The following LARGE1 variants were observed in gnomAD, a reference collection of about 807,000 sequenced individuals.
LARGE1 encodes LARGE xylosyl- and glucuronyltransferase 1, also known as xylosyl- and glucuronyltransferase LARGE1.
Under a neutral mutation model 87.6 loss-of-function variants are expected in LARGE1, and 43 were observed. That is an observed-to-expected ratio of 0.49 (90% confidence interval 0.38 to 0.63). The LOEUF (loss-of-function observed/expected upper bound fraction) is 0.63. Among genes scored for constraint, LARGE1 ranks in the 30% least tolerant of loss-of-function variants. The probability of loss-of-function intolerance (pLI) is 0.00; values close to 1 mark genes in which losing one functional copy is unlikely to be tolerated. For synonymous variants in LARGE1, 434 were observed against 394.6 expected, an observed-to-expected ratio of 1.10 and a Z score of -1.18; for missense variants, 802 against 1,000.2, an observed-to-expected ratio of 0.80 and a Z score of 2.67.
chr22:33,080,548 C>T, the LARGE1 span, among the ~76,000 whole-genome samples: 2 of 152,208 alleles, frequency 1.3e-5, no homozygotes, highest in Non-Finnish European at 2.9e-5. Context: ...CTTCAGCTCA[C>T]ATTTGATATC....
intron 6 of LARGE1, among the ~76,000 whole-genome samples, chr22:33,482,565 G>A (rs1228667555): frequency 1.2e-4 from 18 of 152,152 alleles, no homozygotes. Flanking sequence ...GGCTAGGGGA[G>A]AGAGAGCATT....
At chr22:33,595,518 G>T (rs2078954673) in intron 5 of LARGE1, among the ~76,000 whole-genome samples, 1 of 152,170 alleles carries the variant, frequency 6.6e-6, no homozygotes, top group Admixed American at 6.5e-5. Flanking sequence ...CAGCAACCTG[G>T]AAGGCATTTA....
At chr22:33,563,765 T>C (rs180922030) in intron 6 of LARGE1, among the ~76,000 whole-genome samples, 29 of 152,340 alleles carry the variant, frequency 1.9e-4, no homozygotes, top group African/African-American at 6.5e-4. Context: ...GTGTCATTAT[T>C]GACACGAATA....
intron 6 of LARGE1, among the ~76,000 whole-genome samples, chr22:33,563,864 G>A (rs371394243): frequency 2.0e-5 from 3 of 152,176 alleles, no homozygotes; most frequent in African/African-American, 7.2e-5. Context: ...TCCTCAATTA[G>A]CCCAGAGCTC....
At chr22:33,527,598 G>A (rs73411115) in intron 6 of LARGE1, among the ~76,000 whole-genome samples, 5,727 of 152,098 alleles carry the variant, frequency 0.038, 358 homozygotes, top group African/African-American at 0.13. Context: ...TCCTGCATCG[G>A]TGTGACACCC....
intron 9 of LARGE1, among the ~76,000 whole-genome samples, chr22:33,343,525 T>C (rs969588460): frequency 5.9e-5 from 9 of 152,198 alleles, no homozygotes; most frequent in Non-Finnish European, 8.8e-5. Flanking sequence ...CATGGGATTA[T>C]AGAGGAAACA....
intron 6 of LARGE1, among the ~76,000 whole-genome samples, chr22:33,467,913 G>A (rs1482693419): frequency 6.6e-6 from 1 of 152,214 alleles, no homozygotes; most frequent in Non-Finnish European, 1.5e-5. Context: ...TGCCAGTGGA[G>A]TGCCTGACCA....
intron 1 of LARGE1, among the ~76,000 whole-genome samples, chr22:33,789,954 G>A (rs900791010): frequency 1.3e-5 from 2 of 152,168 alleles, no homozygotes; most frequent in Non-Finnish European, 2.9e-5. Context: ...GACTTTGGGG[G>A]ACTGTTGGGA....
chr22:33,495,819 ACTCTAACT>A (rs1234681051), intron 6 of LARGE1, among the ~76,000 whole-genome samples: 2 of 152,036 alleles, frequency 1.3e-5, no homozygotes, highest in African/African-American at 4.8e-5. Flanking sequence ...ATCACGGTAG[ACTCTAACT>A]GGATCTGCTG....
At chr22:33,391,758 CT>C (rs1381598293) in intron 7 of LARGE1, among the ~76,000 whole-genome samples, 2 of 136,482 alleles carry the variant, frequency 1.5e-5, no homozygotes, top group African/African-American at 3.0e-5. Flanking sequence ...AGGTTATTTC[CT>C]TTTTCCTTTT....
chr22:33,268,520 C>T (rs530252179), downstream of LARGE1, among the ~76,000 whole-genome samples: 24 of 150,844 alleles, frequency 1.6e-4, no homozygotes, highest in African/African-American at 4.9e-4. Flanking sequence ...CTCCGTCCCC[C>T]GGGTTCTCAC....
At chr22:33,410,648 T>C (rs1215910870) in intron 7 of LARGE1, among the ~76,000 whole-genome samples, 1 of 152,130 alleles carries the variant, frequency 6.6e-6, no homozygotes, top group Non-Finnish European at 1.5e-5. Context: ...CTCTTTCCTT[T>C]ATAAATTACC....
rs188179578 is a variant in LARGE1, at chr22:33,403,283, A to G, written c.893-18979T>C. On this transcript the variant is annotated intron_variant, in intron 7 of 14. Coordinates refer to ENST00000397394, the MANE Select transcript of LARGE1 (RefSeq NM_133642.5). ...TGGCAATGAACTGGAGTGAGCTTGC[A>G]GAGAGATGAGACCATAACTTATTTC... Among the ~76,000 whole-genome samples the G allele has an allele frequency of 3.9e-5, 6 of 152,318 alleles. No individual in the cohort carries two copies. The East Asian group carries it at 1.2e-3, about 29-fold the overall frequency.
chr22:33,627,502 A>T (rs11912153), intron 3 of LARGE1, among the ~76,000 whole-genome samples: 7,246 of 152,214 alleles, frequency 0.048, 574 homozygotes, highest in African/African-American at 0.16. Flanking sequence ...AGGGGACCTG[A>T]GAGATGCCTT....
At chr22:33,666,365 C>T (rs1236402610) in intron 2 of LARGE1, among the ~76,000 whole-genome samples, 2 of 152,224 alleles carry the variant, frequency 1.3e-5, no homozygotes, top group East Asian at 3.9e-4. Context: ...AATTTCCTGA[C>T]ATCTTAATCT....
chr22:33,449,494 C>A (rs898674390), intron 6 of LARGE1, among the ~76,000 whole-genome samples: 1 of 152,170 alleles, frequency 6.6e-6, no homozygotes, highest in Admixed American at 6.5e-5. Flanking sequence ...TTTTCTAGAT[C>A]TAAAATTTGC....
At chr22:33,292,172 A>C (rs1932713156) in intron 12 of LARGE1, among the ~76,000 whole-genome samples, 2 of 152,148 alleles carry the variant, frequency 1.3e-5, no homozygotes, top group African/African-American at 4.8e-5. Flanking sequence ...CAGACAACGA[A>C]TCTGCCACCA....
intron 1 of LARGE1, among the ~76,000 whole-genome samples, chr22:33,865,379 G>C (rs1233871328): frequency 6.6e-6 from 1 of 152,154 alleles, no homozygotes; most frequent in Non-Finnish European, 1.5e-5. Context: ...ATCCTGGTAG[G>C]GAATATTGGC....
At chr22:33,628,702 A>G (rs2080008188) in intron 3 of LARGE1, among the ~76,000 whole-genome samples, 1 of 152,166 alleles carries the variant, frequency 6.6e-6, no homozygotes, top group African/African-American at 2.4e-5. Context: ...CTTCAGACCA[A>G]TAATTCACAG....
Sources: gnomAD v4.1 joint callset for allele counts (sites outside exome capture counted in the v4.1 genomes callset) on GRCh38, gnomAD v4.1.1 for gene constraint, MANE v1.5 for transcripts, NCBI Gene and HGNC (gene_info 2026-07-23, HGNC 2026-07-21) for gene names.